Variants in AFF4 observed in about 807,000 individuals in gnomAD.
The protein encoded by AFF4 is AF4/FMR2 family member 4.
AFF4 carries 13 observed loss-of-function variants against 124.8 expected under a neutral mutation model. The observed-to-expected ratio is 0.10, with a 90% confidence interval of 0.07 to 0.17. The LOEUF is 0.17. Ranked by LOEUF, AFF4 falls within the 10% of genes least tolerant of loss-of-function variation. AFF4 has a pLI of 1.00. For missense variants in AFF4, 1,092 were observed against 1,403.8 expected, an observed-to-expected ratio of 0.78 and a Z score of 3.55; for synonymous variants, 477 against 496.1, an observed-to-expected ratio of 0.96 and a Z score of 0.51.
At chr5:132,962,466 T>C (rs1438818981) in intron 1 of AFF4, among the ~76,000 whole-genome samples, 2 of 152,146 alleles carry the variant, frequency 1.3e-5, no homozygotes, top group African/African-American at 4.8e-5. Flanking sequence ...TATACAAACA[T>C]TTCAGATTCG....
rs759418123 is a variant in AFF4 at position 132,934,368 on chromosome 5, G to A, written c.697C>T (p.His233Tyr). The A allele has an allele frequency of 6.2e-7, 1 of 1,614,138 alleles. No homozygotes were observed. The highest frequency in any genetic ancestry group is 2.2e-5 in the East Asian group (1 of 44,886). Residue 233 changes from histidine (H) to tyrosine (Y), a missense_variant, in exon 3 of 21, where the codon CAC (histidine) becomes TAC (tyrosine). Around this residue, in one of 11 missense-constraint regions of AFF4, gnomAD observed 188 missense variants for 203.0 expected, o/e 0.93. Transcript: ENST00000265343. The stretch of plus-strand genomic sequence containing the variant: ...GAGGGTGGGAAAGATTGAGTTGAGT[G>A]CTGCCCACTTGAAAAAGGTACACGG... ...PSRVPFSSGQ[H>Y]STQSFPPSLM...
chr5:132,936,338 C>T (rs1761431448), intron 2 of AFF4, among the ~76,000 whole-genome samples: 2 of 149,634 alleles, frequency 1.3e-5, no homozygotes, highest in Admixed American at 1.3e-4. Flanking sequence ...CGTATTTTGG[C>T]AGTTTATGAA....
At chr5:132,904,922 A>C (rs529980235) in intron 5 of AFF4, among the ~76,000 whole-genome samples, 3 of 151,628 alleles carry the variant, frequency 2.0e-5, no homozygotes, top group South Asian at 2.1e-4. Flanking sequence ...GGTGGCGTGC[A>C]CCTGTAGTCC....
At chr5:132,898,454 C>T in intron 9 of AFF4, 62 bp from the exon 10 acceptor site, 5 of 1,468,752 alleles carry the variant, frequency 3.4e-6, no homozygotes, top group Non-Finnish European at 4.5e-6. Context: ...AGGAAAACAT[C>T]CAAATCGACA....
At chr5:132,887,726 C>CT in intron 16 of AFF4, 120 bp downstream of exon 16, 1 of 1,510,314 alleles carries the variant, frequency 6.6e-7, no homozygotes, top group Non-Finnish European at 9.1e-7. Flanking sequence ...TCTACTTCTC[C>CT]TTTATCCAAG....
intron 1 of AFF4, chr5:132,943,885 A>G: frequency 4.9e-6 from 1 of 202,754 alleles, no homozygotes. Flanking sequence ...GAAGGGAAAG[A>G]CGGATTGCCA....
chr5:132,944,750 T>A (rs897180935), intron 1 of AFF4, among the ~76,000 whole-genome samples: 3 of 150,662 alleles, frequency 2.0e-5, no homozygotes, highest in African/African-American at 7.3e-5. Flanking sequence ...GCCAACAGAG[T>A]GAAACCCCAT....
rs1760434265 is a variant in AFF4, at chr5:132,897,358, G to A, written c.1390-118C>T. 3.0e-5 allele frequency: 32 copies of A among 1,068,350 alleles called. No homozygotes were observed. The South Asian group carries it at 4.5e-4, about 15-fold the overall frequency. The allele number at this position is 1,068,350 out of a possible 1,614,324, so 66.2% of individuals were successfully genotyped here. On this transcript the variant is annotated intron_variant, in intron 10 of 20. Coordinates refer to ENST00000265343, the MANE Select transcript of AFF4 (RefSeq NM_014423.4). ...AATGCCTAATGCAACAAAAGCAAAT[G>A]GTTCTCTATGAACCAAAGCAAAGGG...
chr5:132,877,069 G>C lies in AFF4; in HGVS notation c.*3990C>G, dbSNP rs904255825. 9.9e-6 allele frequency: 2 copies of C among 202,552 alleles called. No individual in the cohort carries two copies. Among genetic ancestry groups the C allele is most frequent in the East Asian group, 1.5e-4 (2 of 13,122 alleles). The allele number at this position is 202,552 out of a possible 1,614,324, so 12.5% of individuals were successfully genotyped here. A position where few individuals can be genotyped will look rare whatever the true frequency, so the allele number is the denominator to read the frequency against. On this transcript the variant is annotated 3_prime_UTR_variant, in exon 21 of 21. Coordinates refer to ENST00000265343, the MANE Select transcript of AFF4 (RefSeq NM_014423.4). Reference sequence around the variant, plus strand: ...TGAAATTTATGTTCCATGTATTAGGGGATATACAGGTATGATAGGTGTCTA... The same window carrying C: ...TGAAATTTATGTTCCATGTATTAGGCGATATACAGGTATGATAGGTGTCTA...
intron 14 of AFF4, among the ~76,000 whole-genome samples, 199 bp downstream of exon 14, chr5:132,888,880 T>C (rs185024668): frequency 2.1e-4 from 32 of 152,236 alleles, no homozygotes; most frequent in African/African-American, 7.7e-4. Context: ...GTATTTTTAG[T>C]ACAGACAGGG....
At chr5:132,888,991 C>T (rs1030378285) in intron 14 of AFF4, 88 bp downstream of exon 14, 19 of 1,295,808 alleles carry the variant, frequency 1.5e-5, no homozygotes, top group African/African-American at 7.4e-5. Flanking sequence ...CCACCGCGCC[C>T]GGCCAATGAT....
chr5:132,908,776 A>ATATATATATT (rs375891983), intron 5 of AFF4, among the ~76,000 whole-genome samples: 3 of 114,920 alleles, frequency 2.6e-5, no homozygotes, highest in African/African-American at 9.0e-5. Flanking sequence ...ATATATATAT[A>ATATATATATT]TTTTTTTTTT....
chr5:132,935,924 TAAAA>T (rs750757510), intron 2 of AFF4, among the ~76,000 whole-genome samples: 1 of 133,822 alleles, frequency 7.5e-6, no homozygotes, highest in Non-Finnish European at 1.6e-5. Flanking sequence ...TTCCTTCTCA[TAAAA>T]AAAAAAAAAA....
chr5:132,951,963 G>C (rs568415872), intron 1 of AFF4, among the ~76,000 whole-genome samples: 2 of 152,286 alleles, frequency 1.3e-5, no homozygotes, highest in Middle Eastern at 3.4e-3. Flanking sequence ...AGCATTATGA[G>C]GTTAATCCAT....
At chr5:132,922,503 T>A (rs1343804308) in intron 5 of AFF4, among the ~76,000 whole-genome samples, 3 of 152,172 alleles carry the variant, frequency 2.0e-5, no homozygotes, top group Non-Finnish European at 4.4e-5. Flanking sequence ...AAAATGAGGT[T>A]GGGCTCAGTG....
chr5:132,919,240 A>G (rs1303568993), intron 5 of AFF4, among the ~76,000 whole-genome samples: 1 of 152,176 alleles, frequency 6.6e-6, no homozygotes, highest in Non-Finnish European at 1.5e-5. Context: ...ACTTTGAAAA[A>G]CACTAATATA....
At position 132,963,573 on chromosome 5, in the gene AFF4, C is replaced by G; in HGVS notation, c.-319G>C. ...TAACGAAGACCTGGCACCAGGATCC[C>G]CGCCCCGTCCGCTGGCGGCGGCGAC... On this transcript the variant is annotated 5_prime_UTR_variant, in exon 1 of 21. Coordinates refer to ENST00000265343, the MANE Select transcript of AFF4 (RefSeq NM_014423.4). The G allele has an allele frequency of 2.5e-6, 1 of 397,940 alleles. No homozygotes were observed. Among genetic ancestry groups the G allele is most frequent in the East Asian group, 3.6e-5 (1 of 28,020 alleles). 24.7% of individuals were successfully genotyped at this position (397,940 alleles called of 1,614,324 possible). A position where few individuals can be genotyped will look rare whatever the true frequency, so the allele number is the denominator to read the frequency against.
chr5:132,949,696 A>ACACACGCG (rs1195493978), intron 1 of AFF4, among the ~76,000 whole-genome samples: 2 of 144,622 alleles, frequency 1.4e-5, no homozygotes, highest in African/African-American at 5.4e-5. Flanking sequence ...ACACACACAC[A>ACACACGCG]CACACGCGCG....
At chr5:132,962,036 C>A (rs768255704) in intron 1 of AFF4, among the ~76,000 whole-genome samples, 3 of 152,188 alleles carry the variant, frequency 2.0e-5, no homozygotes, top group African/African-American at 7.2e-5. Flanking sequence ...CAAGTGGCCA[C>A]TTGCCAACAC....
Sources: gnomAD v4.1 joint callset for allele counts (sites outside exome capture counted in the v4.1 genomes callset) on GRCh38, gnomAD v4.1.1 for gene constraint, gnomAD v4.1.1 regional missense constraint, MANE v1.5 for transcripts, NCBI Gene and HGNC (gene_info 2026-07-23, HGNC 2026-07-21) for gene names.